TAF4B: variants seen among roughly 807,000 people sequenced by gnomAD.
TAF4B encodes TATA-box binding protein associated factor 4b, also known as transcription initiation factor TFIID subunit 4B.
Under a neutral mutation model 86.4 loss-of-function variants are expected in TAF4B, and 38 were observed. The ratio of observed to expected loss-of-function variants is 0.44; its 90% CI spans 0.34 to 0.58. The LOEUF (loss-of-function observed/expected upper bound fraction) is 0.58. Ranked by LOEUF, TAF4B falls within the 20% of genes least tolerant of loss-of-function variation. The pLI is 0.02. For missense variants in TAF4B, 988 were observed against 1,027.6 expected, an observed-to-expected ratio of 0.96 and a Z score of 0.53; for synonymous variants, 388 against 391.2, an observed-to-expected ratio of 0.99 and a Z score of 0.10.
At chr18:26,268,300 A>G (rs181302142) in intron 3 of TAF4B, among the ~76,000 whole-genome samples, 152 of 152,266 alleles carry the variant, frequency 1.0e-3, no homozygotes, top group African/African-American at 3.4e-3. Context: ...GTTGGAGATC[A>G]GCTGTTCTGG....
chr18:26,353,104 A>C (rs1171064423), intron 13 of TAF4B, among the ~76,000 whole-genome samples: 1 of 152,202 alleles, frequency 6.6e-6, no homozygotes, highest in Non-Finnish European at 1.5e-5. Flanking sequence ...AGTTAAACCC[A>C]CAAAGATGTT....
At chr18:26,284,300 T>TGGTTTGA (rs578136774) in intron 6 of TAF4B, among the ~76,000 whole-genome samples, 132 of 152,372 alleles carry the variant, frequency 8.7e-4, no homozygotes, top group Non-Finnish European at 1.4e-3. Context: ...ATGTTGTAGC[T>TGGTTTGA]GGTTTGATCT....
chr18:26,318,649 T>G (rs1269075476), intron 10 of TAF4B, among the ~76,000 whole-genome samples: 1 of 152,254 alleles, frequency 6.6e-6, no homozygotes, highest in African/African-American at 2.4e-5. Context: ...CAACTAGATC[T>G]TAATCAGTTT....
intron 14 of TAF4B, among the ~76,000 whole-genome samples, chr18:26,364,097 G>A (rs887430981): frequency 6.6e-6 from 1 of 152,060 alleles, no homozygotes; most frequent in Non-Finnish European, 1.5e-5. Context: ...CATTAAATAT[G>A]ATCTATTTGT....
chr18:26,242,971 T>C (rs1343474393), intron 1 of TAF4B, among the ~76,000 whole-genome samples: 1 of 152,250 alleles, frequency 6.6e-6, no homozygotes, highest in Non-Finnish European at 1.5e-5. Flanking sequence ...TCTGATGGGC[T>C]TCCCCTTGTA....
chr18:26,309,243 G>GTTTTTT (rs1568144308), intron 9 of TAF4B, among the ~76,000 whole-genome samples: 1 of 88,810 alleles, frequency 1.1e-5, no homozygotes, highest in African/African-American at 4.1e-5. Flanking sequence ...AAACCTGACA[G>GTTTTTT]TATTTTTTTT....
chr18:26,287,211 C>T (rs984614644), intron 7 of TAF4B, among the ~76,000 whole-genome samples: 25 of 152,014 alleles, frequency 1.6e-4, no homozygotes, highest in Middle Eastern at 3.4e-3. Flanking sequence ...GCTGTGTTGC[C>T]CAAGCTGGTC....
At chr18:26,269,759 A>G (rs2056289699) in intron 3 of TAF4B, among the ~76,000 whole-genome samples, 1 of 152,152 alleles carries the variant, frequency 6.6e-6, no homozygotes, top group Admixed American at 6.5e-5. Flanking sequence ...AGGAAGTGTT[A>G]TCTCTATTTT....
chr18:26,227,519 AG>A (rs1325214604), intron 1 of TAF4B, among the ~76,000 whole-genome samples: 2 of 152,236 alleles, frequency 1.3e-5, no homozygotes, highest in African/African-American at 2.4e-5. Context: ...GGGGGCTTTC[AG>A]GCACTGGCTC....
In TAF4B at chr18:26,327,033, C is replaced by A. The variant is rs1267389840; in HGVS notation, c.2152C>A (p.Leu718Met). Residue 718 changes from leucine (L) to methionine (M), a missense_variant, in exon 12 of 15, where the codon CTG becomes ATG. Leu to Met is a conservative substitution (Grantham distance 15). This residue lies in a region of TAF4B where 216 missense variants were observed against 238.4 expected (regional missense o/e 0.91). Transcript: ENST00000269142. ...TTYKASENYILCSDTRSQLKF... is the reference protein window; with the variant it reads ...TTYKASENYIMCSDTRSQLKF... ...TTCCCAGGCAAGTGAAAATTACATC[C>A]TGTGTAGTGATACCAGGTCACAGCT... 1.2e-6 allele frequency: 2 copies of A among 1,613,164 alleles called. No homozygotes were observed. Among genetic ancestry groups the A allele is most frequent in the Admixed American group, 3.3e-5 (2 of 60,002 alleles).
chr18:26,391,254 C>T lies in TAF4B; in HGVS notation c.*1242C>T, dbSNP rs1014158817. 7.3e-5 allele frequency: 11 copies of T among 150,434 alleles called. No individual in the cohort carries two copies. The highest frequency in any genetic ancestry group is 2.1e-4 in the South Asian group (1 of 4,760). The allele number at this position is 150,434 out of a possible 1,614,324, so 9.3% of individuals were successfully genotyped here. A position where few individuals can be genotyped will look rare whatever the true frequency, so the allele number is the denominator to read the frequency against. ...AAATTCCACGTGTGTGGAATACAGCCGGTGAAAAATAATCACTGTAGTTAG... is the reference window on the plus strand; with the variant it reads ...AAATTCCACGTGTGTGGAATACAGCTGGTGAAAAATAATCACTGTAGTTAG... On this transcript the variant is annotated 3_prime_UTR_variant, in exon 15 of 15. Transcript: ENST00000269142.
chr18:26,298,507 C>T (rs1267391994), intron 9 of TAF4B, among the ~76,000 whole-genome samples: 2 of 152,052 alleles, frequency 1.3e-5, no homozygotes, highest in African/African-American at 2.4e-5. Context: ...GCTGGGATTA[C>T]AGGTGTGAGC....
chr18:26,234,608 A>G (rs995114061), intron 1 of TAF4B, among the ~76,000 whole-genome samples: 3 of 152,180 alleles, frequency 2.0e-5, no homozygotes, highest in Non-Finnish European at 4.4e-5. Context: ...TGCCCTTTGT[A>G]TCCCATTCTC....
At chr18:26,230,657 G>A (rs56047089) in intron 1 of TAF4B, among the ~76,000 whole-genome samples, 16,863 of 152,108 alleles carry the variant, frequency 0.11, 959 homozygotes, top group Middle Eastern at 0.14. Flanking sequence ...CTCCTGTTAC[G>A]TGTTTCCATT....
chr18:26,236,182 C>T (rs1052353524), intron 1 of TAF4B, among the ~76,000 whole-genome samples: 3 of 152,114 alleles, frequency 2.0e-5, no homozygotes, highest in Non-Finnish European at 4.4e-5. Context: ...TATCTCCCTC[C>T]CTCATAAGGG....
intron 9 of TAF4B, among the ~76,000 whole-genome samples, chr18:26,312,969 A>G (rs142518859): frequency 7.6e-4 from 116 of 152,358 alleles, no homozygotes; most frequent in African/African-American, 2.7e-3. Context: ...AGAAAAGGGT[A>G]TAATTGGTAT....
intron 1 of TAF4B, among the ~76,000 whole-genome samples, chr18:26,242,278 G>T (rs930029955): frequency 5.9e-5 from 9 of 152,158 alleles, no homozygotes; most frequent in African/African-American, 2.4e-5. Context: ...CCTGTATTGG[G>T]TGCATATATA....
intron 9 of TAF4B, among the ~76,000 whole-genome samples, chr18:26,303,983 T>C (rs376434606): frequency 6.6e-5 from 10 of 152,158 alleles, no homozygotes; most frequent in Admixed American, 3.9e-4. Context: ...TTCCTAGATA[T>C]CTTTCTTGTT....
At chr18:26,330,065 A>G (rs1245843880) in intron 12 of TAF4B, among the ~76,000 whole-genome samples, 1 of 152,200 alleles carries the variant, frequency 6.6e-6, no homozygotes, top group Non-Finnish European at 1.5e-5. Flanking sequence ...CGGCATTCTA[A>G]GATGATACCA....
Sources: gnomAD v4.1 joint callset for allele counts (sites outside exome capture counted in the v4.1 genomes callset) on GRCh38, gnomAD v4.1.1 for gene constraint, gnomAD v4.1.1 regional missense constraint, MANE v1.5 for transcripts, NCBI Gene and HGNC (gene_info 2026-07-23, HGNC 2026-07-21) for gene names.